Variants in NCK2 observed in about 807,000 individuals in gnomAD.
The protein encoded by NCK2 is cytoplasmic protein NCK2.
NCK2 carries 16 observed loss-of-function variants against 33.9 expected under a neutral mutation model. The observed-to-expected ratio is 0.47, with a 90% CI of 0.32 to 0.72. The LOEUF is 0.72. NCK2 is among the 30% of genes least tolerant of loss of function. The pLI is 0.03. For missense variants in NCK2, 418 were observed against 537.3 expected (o/e 0.78, Z 2.19); for synonymous variants, 273 against 239.9 (o/e 1.14, Z -1.27).
At chr2:105,784,572 G>A (rs1329189033) in intron 1 of NCK2, among the ~76,000 whole-genome samples, 2 of 152,248 alleles carry the variant, frequency 1.3e-5, no homozygotes, top group Non-Finnish European at 2.9e-5. Flanking sequence ...TCTTTACAAT[G>A]TAGGTGAGCA....
At chr2:105,800,986 C>G (rs1023961563) in intron 1 of NCK2, among the ~76,000 whole-genome samples, 1 of 152,008 alleles carries the variant, frequency 6.6e-6, no homozygotes, top group Non-Finnish European at 1.5e-5. Flanking sequence ...TGGAGACAGG[C>G]AAATGTTCTA....
At chr2:105,835,990 T>C (rs1676418983) in intron 2 of NCK2, among the ~76,000 whole-genome samples, 1 of 151,132 alleles carries the variant, frequency 6.6e-6, no homozygotes, top group African/African-American at 2.4e-5. Flanking sequence ...ATATCTCTGT[T>C]GAATTTCTCC....
intron 2 of NCK2, among the ~76,000 whole-genome samples, chr2:105,816,881 G>GACT (rs1398965613): frequency 6.6e-6 from 1 of 152,186 alleles, no homozygotes; most frequent in Non-Finnish European, 1.5e-5. Flanking sequence ...AGATATTACT[G>GACT]ACTCTTGAAT....
chr2:105,853,517 C>T (rs1442237433), intron 2 of NCK2, among the ~76,000 whole-genome samples: 1 of 152,202 alleles, frequency 6.6e-6, no homozygotes, highest in African/African-American at 2.4e-5. Context: ...CCTTAAAAAT[C>T]CTGTGCTTCA....
At chr2:105,779,058 G>A (rs911668641) in intron 1 of NCK2, among the ~76,000 whole-genome samples, 1 of 152,168 alleles carries the variant, frequency 6.6e-6, no homozygotes, top group Non-Finnish European at 1.5e-5. Context: ...TGTAGTCCCA[G>A]CACTTTGGGA....
At chr2:105,778,899 TG>T (rs1690396746) in intron 1 of NCK2, among the ~76,000 whole-genome samples, 1 of 152,122 alleles carries the variant, frequency 6.6e-6, no homozygotes, top group African/African-American at 2.4e-5. Flanking sequence ...ATTGAGATAA[TG>T]GTTATTTTTT....
intron 2 of NCK2, among the ~76,000 whole-genome samples, chr2:105,837,387 G>A (rs1227685915): frequency 6.6e-6 from 1 of 152,038 alleles, no homozygotes; most frequent in Non-Finnish European, 1.5e-5. Flanking sequence ...CTTCCCCAAC[G>A]CCTCCCCAAT....
At chr2:105,868,878 G>A (rs1418840122) in intron 3 of NCK2, among the ~76,000 whole-genome samples, 1 of 152,214 alleles carries the variant, frequency 6.6e-6, no homozygotes, top group East Asian at 1.9e-4. Flanking sequence ...ACTTGGCCAG[G>A]GCTATGAGTC....
chr2:105,773,754 C>T (rs1054199606), intron 1 of NCK2, among the ~76,000 whole-genome samples: 2 of 152,154 alleles, frequency 1.3e-5, no homozygotes, highest in African/African-American at 4.8e-5. Context: ...GGTGATCCTG[C>T]GGTGGAAAAG....
chr2:105,794,847 T>C (rs1024586416), intron 1 of NCK2, among the ~76,000 whole-genome samples: 2 of 152,098 alleles, frequency 1.3e-5, no homozygotes, highest in South Asian at 4.1e-4. Context: ...AATAGTTTAT[T>C]ATCTAAACTG....
chr2:105,886,246 T>G (rs1251914537), intron 4 of NCK2, among the ~76,000 whole-genome samples: 1 of 152,254 alleles, frequency 6.6e-6, no homozygotes, highest in Non-Finnish European at 1.5e-5. Flanking sequence ...ATTTAACTCT[T>G]GAAGATGGAA....
chr2:105,853,452 A>G (rs1436164109), intron 2 of NCK2, among the ~76,000 whole-genome samples: 3 of 152,210 alleles, frequency 2.0e-5, no homozygotes, highest in African/African-American at 4.8e-5. Flanking sequence ...AGATTTTAAC[A>G]AATGTATAAT....
At chr2:105,892,472 T>C (rs1679026816) in intron 4 of NCK2, among the ~76,000 whole-genome samples, 1 of 149,590 alleles carries the variant, frequency 6.7e-6, no homozygotes, top group Non-Finnish European at 1.5e-5. Context: ...TATTTTTTCT[T>C]TGGTTCAGAA....
chr2:105,818,302 T>G (rs1169454468), intron 2 of NCK2, among the ~76,000 whole-genome samples: 3 of 95,738 alleles, frequency 3.1e-5, no homozygotes, highest in Middle Eastern at 6.4e-3. Flanking sequence ...GGGGGAGGGA[T>G]AGCATTAGGA....
At chr2:105,829,971 C>G (rs916753979) in intron 2 of NCK2, among the ~76,000 whole-genome samples, 2 of 152,016 alleles carry the variant, frequency 1.3e-5, no homozygotes, top group Non-Finnish European at 2.9e-5. Context: ...GATCTGTTTA[C>G]TTATTCATTC....
chr2:105,844,574 C>CAA (rs748327037), intron 2 of NCK2, among the ~76,000 whole-genome samples: 3 of 134,088 alleles, frequency 2.2e-5, no homozygotes, highest in Admixed American at 7.8e-5. Flanking sequence ...TAGAAAAAAA[C>CAA]AAAAAAAAAA....
At chr2:105,836,742 G>C (rs763565809) in intron 2 of NCK2, among the ~76,000 whole-genome samples, 6 of 152,130 alleles carry the variant, frequency 3.9e-5, no homozygotes, top group Admixed American at 6.5e-5. Flanking sequence ...GCAGCTCTTT[G>C]GGTGGATACG....
chr2:105,800,104 CCTTA>C (rs1674768681), intron 1 of NCK2, among the ~76,000 whole-genome samples: 2 of 152,132 alleles, frequency 1.3e-5, no homozygotes, highest in African/African-American at 4.8e-5. Flanking sequence ...CCTCCTGAGC[CCTTA>C]CTTTGTGAGA....
intron 1 of NCK2, among the ~76,000 whole-genome samples, chr2:105,774,875 T>C (rs533460749): frequency 2.2e-4 from 34 of 152,194 alleles, no homozygotes; most frequent in African/African-American, 6.7e-4. Context: ...GCCGTGTAGA[T>C]GTACAGCTGA....
Sources: allele counts gnomAD v4.1 joint callset (sites outside exome capture counted in the v4.1 genomes callset), GRCh38; gene constraint gnomAD v4.1.1; transcripts MANE v1.5; gene names NCBI Gene and HGNC (gene_info 2026-07-23, HGNC 2026-07-21).